The following LRIF1 variants were observed in gnomAD, a reference collection of about 807,000 sequenced individuals.
The protein encoded by LRIF1 is ligand-dependent nuclear receptor-interacting factor 1.
A neutral mutation model predicts 52.7 loss-of-function variants in LRIF1; 32 were observed. The observed-to-expected ratio is 0.61, with a 90% CI of 0.46 to 0.82. The LOEUF is 0.82. LRIF1 is among the 40% of genes least tolerant of loss of function. LRIF1 has a pLI of 0.00. For missense variants in LRIF1, 887 were observed against 892.0 expected (o/e 0.99, Z 0.07); for synonymous variants, 323 against 317.4 (o/e 1.02, Z -0.19).
the LRIF1 span, among the ~76,000 whole-genome samples, chr1:110,902,517 A>AG: frequency 0.19 from 19,344 of 100,434 alleles, 1,616 homozygotes; most frequent in Admixed American, 0.29. Context: ...AAAAAAAAAA[A>AG]AAAGAAATAC....
chr1:110,889,123 A>C, the LRIF1 span, among the ~76,000 whole-genome samples: 1 of 152,166 alleles, frequency 6.6e-6, no homozygotes, highest in Non-Finnish European at 1.5e-5. Flanking sequence ...ATTTTTTTAA[A>C]ATTCTAGATA....
At chr1:110,946,712 A>AG (rs1658216694), downstream of LRIF1, among the ~76,000 whole-genome samples, 1 of 129,426 alleles carries the variant, frequency 7.7e-6, no homozygotes, top group Admixed American at 9.9e-5. Context: ...GCTGTAGTGC[A>AG]GTAGTGGCAC....
chr1:110,937,704 TAGA>T, the LRIF1 span: 1 of 151,482 alleles, frequency 6.6e-6, no homozygotes, highest in Non-Finnish European at 1.5e-5. Context: ...CCAAAATTAG[TAGA>T]AGAAAAGAAA....
At chr1:110,933,359 C>T in the LRIF1 span, among the ~76,000 whole-genome samples, 2 of 152,156 alleles carry the variant, frequency 1.3e-5, no homozygotes, top group African/African-American at 4.8e-5. Flanking sequence ...GAAAGAACAC[C>T]TTCATAAGAA....
the LRIF1 span, chr1:110,940,218 G>A: frequency 6.6e-6 from 1 of 152,092 alleles, no homozygotes; most frequent in Admixed American, 6.5e-5. Context: ...TAGCAAGCAG[G>A]CATATGAAAA....
the LRIF1 span, among the ~76,000 whole-genome samples, chr1:110,881,046 A>G: frequency 2.1e-4 from 32 of 152,360 alleles, no homozygotes; most frequent in Non-Finnish European, 4.0e-4. Flanking sequence ...TGCTTTGCTA[A>G]ATTTTAAAGT....
intron 1 of LRIF1, 168 bp downstream of exon 1, chr1:110,963,453 G>C (rs547201522): frequency 2.0e-6 from 1 of 505,526 alleles, no homozygotes; most frequent in African/African-American, 1.9e-5. Context: ...AGAGGAAAGC[G>C]CTCTATGGGC....
At chr1:110,941,130 A>C in the LRIF1 span, 1 of 152,184 alleles carries the variant, frequency 6.6e-6, no homozygotes, top group East Asian at 1.9e-4. Context: ...AAAAATTAAA[A>C]ATAAAAAGTT....
chr1:110,885,210 T>C, the LRIF1 span, among the ~76,000 whole-genome samples: 1 of 152,216 alleles, frequency 6.6e-6, no homozygotes, highest in Non-Finnish European at 1.5e-5. Flanking sequence ...TTATTATTAA[T>C]GCAATGCAAT....
chr1:110,933,141 C>A, the LRIF1 span, among the ~76,000 whole-genome samples: 1 of 152,052 alleles, frequency 6.6e-6, no homozygotes, highest in Non-Finnish European at 1.5e-5. Flanking sequence ...ATTTAATTAC[C>A]TTCTGACATC....
chr1:110,924,898 C>T, the LRIF1 span, among the ~76,000 whole-genome samples: 904 of 152,180 alleles, frequency 5.9e-3, 12 homozygotes, highest in African/African-American at 0.02. Context: ...AGAAAACTAA[C>T]GTAATTCATC....
At chr1:110,925,129 A>T in the LRIF1 span, among the ~76,000 whole-genome samples, 1 of 152,218 alleles carries the variant, frequency 6.6e-6, no homozygotes. Flanking sequence ...CTTGATGTTT[A>T]TGTGAAGGTT....
At chr1:110,879,023 C>G in the LRIF1 span, among the ~76,000 whole-genome samples, 40,130 of 151,676 alleles carry the variant, frequency 0.26, 5,719 homozygotes, top group Non-Finnish European at 0.32. Flanking sequence ...TGTTTGATTT[C>G]TTTTTGTTTT....
At chr1:110,942,881 T>A (rs2101097474), downstream of LRIF1, among the ~76,000 whole-genome samples, 1 of 152,030 alleles carries the variant, frequency 6.6e-6, no homozygotes, top group East Asian at 1.9e-4. Flanking sequence ...AATTTTGGAG[T>A]CAAAAGAGGA....
chr1:110,901,496 T>TTTCG, the LRIF1 span, among the ~76,000 whole-genome samples: 1 of 141,868 alleles, frequency 7.0e-6, no homozygotes, highest in Non-Finnish European at 1.5e-5. Flanking sequence ...TTTTTTTTTT[T>TTTCG]AGACGGAGTC....
At chr1:110,896,711 G>GC in the LRIF1 span, 1 of 1,613,290 alleles carries the variant, frequency 6.2e-7, no homozygotes, top group Non-Finnish European at 8.5e-7. Flanking sequence ...CCAGCATCTT[G>GC]CCCCTCAGAT....
At chr1:110,915,592 T>C in the LRIF1 span, among the ~76,000 whole-genome samples, 2 of 152,038 alleles carry the variant, frequency 1.3e-5, no homozygotes, top group Non-Finnish European at 2.9e-5. Context: ...AAGCACAAAG[T>C]AAAGGAAGAA....
chr1:110,922,770 A>G, the LRIF1 span, among the ~76,000 whole-genome samples: 1 of 152,342 alleles, frequency 6.6e-6, no homozygotes, highest in Non-Finnish European at 1.5e-5. Flanking sequence ...ATGAGTTTTA[A>G]AAGGTTAAAG....
chr1:110,894,364 T>C, the LRIF1 span: 7 of 1,614,106 alleles, frequency 4.3e-6, no homozygotes, highest in Non-Finnish European at 5.9e-6. Flanking sequence ...CTTGCTGAGG[T>C]GACCTTGGCC....
Sources: gnomAD v4.1 joint callset for allele counts (sites outside exome capture counted in the v4.1 genomes callset) on GRCh38, gnomAD v4.1.1 for gene constraint, MANE v1.5 for transcripts, NCBI Gene and HGNC (gene_info 2026-07-23, HGNC 2026-07-21) for gene names.